Variants in BRME1 observed in about 807,000 individuals in gnomAD.
The protein encoded by BRME1 is BRCA2 and MEILB2-associating protein 1.
A neutral mutation model predicts 52.6 loss-of-function variants in BRME1; 31 were observed. The ratio of observed to expected loss-of-function variants is 0.59; its 90% CI spans 0.44 to 0.80. BRME1 has a LOEUF of 0.80. BRME1 is among the 30% of genes least tolerant of loss of function. BRME1 has a pLI of 0.00. For missense variants in BRME1, 804 were observed against 860.3 expected, an observed-to-expected ratio of 0.93 and a Z score of 0.82; for synonymous variants, 359 against 353.6, an observed-to-expected ratio of 1.02 and a Z score of -0.17.
chr19:13,897,259 G>A (rs897518311), intron 2 of BRME1, among the ~76,000 whole-genome samples: 1 of 150,394 alleles, frequency 6.6e-6, no homozygotes, highest in South Asian at 2.1e-4. Flanking sequence ...GGATGGTCTC[G>A]ATCTCTTGAC....
chr19:13,901,452 T>G (rs964107387), intron 2 of BRME1, among the ~76,000 whole-genome samples: 1 of 151,950 alleles, frequency 6.6e-6, no homozygotes, highest in Non-Finnish European at 1.5e-5. Flanking sequence ...ATGCCTGTAA[T>G]CTTTGGGAGG....
At chr19:13,904,686 C>T (rs537166671) in intron 2 of BRME1, among the ~76,000 whole-genome samples, 176 bp downstream of exon 2, 6 of 151,992 alleles carry the variant, frequency 3.9e-5, no homozygotes, top group South Asian at 4.2e-4. Context: ...GTGATCTGCC[C>T]GCCTCGGCCT....
In BRME1 at chr19:13,890,359, TGCGTTGG is replaced by T. The variant is rs868556045; in HGVS notation, c.490_496del (p.Pro164ArgfsTer177). ...CTGCTCAGGGCGGGCACTGTCTGCC[TGCGTTGG>T]GTCCCCCAGCTCCGTGGCCTCCTGG... On this transcript the variant is annotated frameshift_variant, in exon 6 of 9. Transcript: ENST00000586783. LOFTEE classifies it high-confidence loss of function. The T allele has an allele frequency of 6.4e-7, 1 of 1,567,692 alleles. No individual in the cohort carries two copies. Among genetic ancestry groups the T allele is most frequent in the Admixed American group, 1.9e-5 (1 of 53,496 alleles).
rs533647617 is a variant in BRME1 at position 13,896,617 on chromosome 19, T to C, written c.32-1071A>G. 2.7e-4 allele frequency among the ~76,000 whole-genome samples: 39 copies of C among 144,834 alleles called. 1 individual carries two copies. Among genetic ancestry groups the C allele is most frequent in the East Asian group, 1.9e-3 (10 of 5,130 alleles). ...ATGTAAATATATATATTTATACATA[T>C]GTATTTATACATACATATGTATTTA... On this transcript the variant is annotated intron_variant, in intron 2 of 8. Transcript: ENST00000586783.
chr19:13,903,894 ACT>A lies in BRME1; in HGVS notation c.31+966_31+967del, dbSNP rs576820016. 2.6e-3 allele frequency among the ~76,000 whole-genome samples: 401 copies of A among 152,110 alleles called. 1 individual carries two copies. The highest frequency in any genetic ancestry group is 9.3e-3 in the African/African-American group (388 of 41,524). ...CAGGTTTTGGGCCCCAGAGTAAAAC[ACT>A]CAGCCACATACCGAGTGGCCTTGTA... On this transcript the variant is annotated intron_variant, in intron 2 of 8. Transcript: ENST00000586783.
chr19:13,889,532 T>C lies in BRME1; in HGVS notation c.1324A>G (p.Thr442Ala), dbSNP rs1440519460. The change falls in exon 6 of 9, where the codon ACA (threonine) becomes GCA (alanine). Residue 442 changes from threonine to alanine, a missense_variant. Coordinates refer to ENST00000586783, the MANE Select transcript of BRME1 (RefSeq NM_001345843.2). The stretch of plus-strand genomic sequence containing the variant: ...TGCTTCTGATTGACACATGGACCTG[T>C]GTCCGGGGATGCATGACCGGAATCT... Reference protein sequence around the residue: ...AGDSGHASPDTGPCVNQKQEP... With the variant: ...AGDSGHASPDAGPCVNQKQEP... The C allele has an allele frequency of 6.2e-7, 1 of 1,613,728 alleles. No homozygotes were observed. The highest frequency in any genetic ancestry group is 1.7e-5 in the Admixed American group (1 of 60,000).
At chr19:13,900,791 C>T (rs140567665) in intron 2 of BRME1, among the ~76,000 whole-genome samples, 1 of 151,980 alleles carries the variant, frequency 6.6e-6, no homozygotes, top group Non-Finnish European at 1.5e-5. Flanking sequence ...CGTGTCTCAG[C>T]CTCCCAAGTA....
chr19:13,884,985 G>C (rs574060402), intron 7 of BRME1: 1 of 152,402 alleles, frequency 6.6e-6, no homozygotes, highest in African/African-American at 2.4e-5. Flanking sequence ...CTGGGACGCT[G>C]TCGGAGATTC....
At chr19:13,898,200 CAG>C (rs1166233109) in intron 2 of BRME1, among the ~76,000 whole-genome samples, 1 of 152,204 alleles carries the variant, frequency 6.6e-6, no homozygotes, top group Admixed American at 6.6e-5. Context: ...TTAAGGCACA[CAG>C]AGGCCCAGGA....
At chr19:13,898,574 C>T (rs1315966151) in intron 2 of BRME1, among the ~76,000 whole-genome samples, 2 of 151,960 alleles carry the variant, frequency 1.3e-5, no homozygotes, top group African/African-American at 4.8e-5. Context: ...TGTGCCACTG[C>T]ACTCTGGCCT....
intron 5 of BRME1, among the ~76,000 whole-genome samples, chr19:13,890,723 C>T (rs1363116903): frequency 1.3e-5 from 2 of 152,020 alleles, no homozygotes; most frequent in Non-Finnish European, 2.9e-5. Flanking sequence ...AAAAATTAGC[C>T]AGGCATGGTG....
In BRME1 at chr19:13,905,507, C is replaced by CAAAA. The variant is rs56670938; in HGVS notation, c.-22+204_-22+207dup. The stretch of plus-strand genomic sequence containing the variant: ...TGGGCGACAGAGCGAGACTCCGTCT[C>CAAAA]AAAAAAAAAAAAAAAAATTAGTCAG... On this transcript the variant is annotated intron_variant, in intron 1 of 8. Transcript: ENST00000586783. 8.7e-4 allele frequency among the ~76,000 whole-genome samples: 103 copies of CAAAA among 118,902 alleles called. 1 individual carries two copies. Among genetic ancestry groups the CAAAA allele is most frequent in the Admixed American group, 2.4e-3 (27 of 11,166 alleles). The allele number at this position is 118,902 out of a possible 152,430, so 78.0% of individuals were successfully genotyped here.
chr19:13,891,657 T>C (rs1969511159), intron 5 of BRME1, among the ~76,000 whole-genome samples: 1 of 149,172 alleles, frequency 6.7e-6, no homozygotes, highest in South Asian at 2.1e-4. Flanking sequence ...TTGGTAGAGA[T>C]GGCGTTGTGC....
chr19:13,883,447 T>A lies in BRME1; in HGVS notation c.1764-47A>T. On this transcript the variant is annotated intron_variant, in intron 7 of 8. Coordinates refer to ENST00000586783, the MANE Select transcript of BRME1 (RefSeq NM_001345843.2). This position sits in a 1 kb window ranked among gnomAD's most constrained non-coding sequence, Gnocchi z 4.2. ...TGAGAGTGGCCCGACCTCACTGGACTACCAGAGCTCTCCAGTGGGAGGGGC... is the reference window on the plus strand; with the variant it reads ...TGAGAGTGGCCCGACCTCACTGGACAACCAGAGCTCTCCAGTGGGAGGGGC... 7.2e-7 allele frequency: 1 copy of A among 1,384,538 alleles called. No homozygotes were observed. The highest frequency in any genetic ancestry group is 9.9e-7 in the Non-Finnish European group (1 of 1,010,732). 85.8% of individuals were successfully genotyped at this position (1,384,538 alleles called of 1,614,324 possible).
chr19:13,894,165 G>C (rs1969715753), intron 3 of BRME1, among the ~76,000 whole-genome samples: 1 of 152,082 alleles, frequency 6.6e-6, no homozygotes, highest in African/African-American at 2.4e-5. Context: ...CACATTCTAG[G>C]GAAAGGAAAT....
In BRME1 at chr19:13,899,151, CT is replaced by C. The variant is rs561611001; in HGVS notation, c.32-3606del. Among the ~76,000 whole-genome samples, 766 of 137,324 alleles carry C rather than the reference CT, an allele frequency of 5.6e-3. 1 individual carries two copies. The highest frequency in any genetic ancestry group is 0.015 in the African/African-American group (545 of 36,674). 90.1% of individuals were successfully genotyped at this position (137,324 alleles called of 152,430 possible). A position where few individuals can be genotyped will look rare whatever the true frequency, so the allele number is the denominator to read the frequency against. ...ATTGCTTCTAATTCTTCTTCTTCTT[CT>C]TTTTTTTTTTTTTTGAGATGGACTC... is the stretch of plus-strand genomic sequence containing the variant. On this transcript the variant is annotated intron_variant, in intron 2 of 8. Coordinates refer to ENST00000586783, the MANE Select transcript of BRME1 (RefSeq NM_001345843.2).
At position 13,892,819 on chromosome 19, in the gene BRME1, C is replaced by T. The variant is rs927624515; in HGVS notation, c.360G>A (p.Lys120=). ...RKTVTRKEEM[K]DEDRGSGAFS... is the part of the protein sequence containing the mutation. ...AGGCCCCACTCCCACGGTCCTCATC[C>T]TTCATCTCTTCTTTTCTTGTCACTG... is the stretch of plus-strand genomic sequence containing the variant. The change falls in exon 5 of 9, where the codon AAG becomes AAA. Residue 120 remains lysine, a synonymous_variant. Transcript: ENST00000586783. The T allele has an allele frequency of 1.2e-6, 2 of 1,614,196 alleles. No individual in the cohort carries two copies. Among genetic ancestry groups the T allele is most frequent in the East Asian group, 4.5e-5 (2 of 44,886 alleles).
chr19:13,883,098 TAGCACAGGCTGGGCCTGTTGC>T lies in BRME1; in HGVS notation c.1857-167_1857-147del, dbSNP rs1019352828. 5 of 670,978 alleles carry T rather than the reference TAGCACAGGCTGGGCCTGTTGC, an allele frequency of 7.5e-6. No individual in the cohort carries two copies. In the East Asian group the frequency reaches 1.4e-4, roughly 19 times the overall value. The allele number at this position is 670,978 out of a possible 1,614,324, so 41.6% of individuals were successfully genotyped here. On this transcript the variant is annotated intron_variant, in intron 8 of 8. Transcript: ENST00000586783. The surrounding 1 kb of genome is among the most constrained non-coding windows in gnomAD (Gnocchi z 4.2). ...GCACATAACCAGAAAGGGCCTGTTG[TAGCACAGGCTGGGCCTGTTGC>T]AGCCTTTCTTCAGAGCCTGTGTTCT...
intron 6 of BRME1, among the ~76,000 whole-genome samples, chr19:13,887,986 G>T (rs1010216073): frequency 9.9e-5 from 15 of 152,048 alleles, no homozygotes; most frequent in African/African-American, 3.4e-4. Flanking sequence ...GTGCAGTGGC[G>T]CGATCTTGGC....
Sources: gnomAD v4.1 joint callset for allele counts (sites outside exome capture counted in the v4.1 genomes callset) on GRCh38, gnomAD v4.1.1 for gene constraint, Gnocchi (gnomAD v3.1) non-coding constraint, MANE v1.5 for transcripts, NCBI Gene and HGNC (gene_info 2026-07-23, HGNC 2026-07-21) for gene names.